HECW2: variants seen among roughly 807,000 people sequenced by gnomAD.
HECW2 encodes E3 ubiquitin-protein ligase HECW2.
HECW2 carries 61 observed loss-of-function variants against 175.2 expected under a neutral mutation model. The observed-to-expected ratio is 0.35, with a 90% CI of 0.28 to 0.43. The LOEUF (loss-of-function observed/expected upper bound fraction) is 0.43. Among genes scored for constraint, HECW2 ranks in the 20% least tolerant of loss-of-function variants. HECW2 has a pLI of 1.00. For missense variants in HECW2, 1,524 were observed against 2,000.5 expected, an observed-to-expected ratio of 0.76 and a Z score of 4.54; for synonymous variants, 671 against 731.0, an observed-to-expected ratio of 0.92 and a Z score of 1.32.
intron 1 of HECW2, among the ~76,000 whole-genome samples, chr2:196,505,453 T>A (rs1203510820): frequency 6.6e-6 from 1 of 151,874 alleles, no homozygotes; most frequent in African/African-American, 2.4e-5. Context: ...AGCAGGAGAA[T>A]CGCTTGAACC....
intron 5 of HECW2, among the ~76,000 whole-genome samples, chr2:196,326,630 G>C (rs1692163629): frequency 6.6e-6 from 1 of 151,974 alleles, no homozygotes; most frequent in Admixed American, 6.6e-5. Context: ...TTTTAGTAGA[G>C]ATGGGGTTTC....
intron 18 of HECW2, among the ~76,000 whole-genome samples, chr2:196,257,208 A>G (rs1376362221): frequency 6.6e-6 from 1 of 152,212 alleles, no homozygotes; most frequent in East Asian, 1.9e-4. Context: ...AAGTCTTTTG[A>G]AAACTTGCCA....
intron 2 of HECW2, among the ~76,000 whole-genome samples, chr2:196,429,034 A>C (rs1695628783): frequency 6.6e-6 from 1 of 152,212 alleles, no homozygotes; most frequent in African/African-American, 2.4e-5. Context: ...GCAACAGCTC[A>C]AGAAATCGTG....
chr2:196,209,531 G>A (rs1375985567), intron 28 of HECW2, among the ~76,000 whole-genome samples: 1 of 152,130 alleles, frequency 6.6e-6, no homozygotes, highest in East Asian at 1.9e-4. Flanking sequence ...GAGGGCAGAG[G>A]GGAAAGGAGT....
At chr2:196,416,506 T>C (rs560441628) in intron 2 of HECW2, among the ~76,000 whole-genome samples, 76 of 152,344 alleles carry the variant, frequency 5.0e-4, no homozygotes, top group African/African-American at 1.8e-3. Context: ...TCTAAGAAAC[T>C]GAATCATCAT....
At chr2:196,271,403 G>C (rs1481978618) in intron 16 of HECW2, 114 bp from the exon 17 acceptor site, 1 of 691,150 alleles carries the variant, frequency 1.4e-6, no homozygotes, top group East Asian at 2.8e-5. Context: ...CCTGCCTCAG[G>C]CTTGCAAGTA....
At chr2:196,205,041 T>G (rs139700405) in intron 28 of HECW2, among the ~76,000 whole-genome samples, 118 of 152,344 alleles carry the variant, frequency 7.7e-4, no homozygotes, top group Non-Finnish European at 1.3e-3. Flanking sequence ...TCTGCAGTCG[T>G]AAGACATAAT....
intron 1 of HECW2, among the ~76,000 whole-genome samples, chr2:196,522,475 C>T (rs867301050): frequency 1.7e-4 from 26 of 151,988 alleles, no homozygotes; most frequent in South Asian, 6.2e-4. Flanking sequence ...AGAAGCTCTT[C>T]AGTTTAATTA....
At chr2:196,401,417 T>G (rs1331542755) in intron 2 of HECW2, among the ~76,000 whole-genome samples, 2 of 152,246 alleles carry the variant, frequency 1.3e-5, no homozygotes, top group Non-Finnish European at 1.5e-5. Flanking sequence ...TGTTTCTCTG[T>G]GTGTATTATT....
intron 28 of HECW2, among the ~76,000 whole-genome samples, chr2:196,210,788 ATT>A (rs34890135): frequency 7.0e-6 from 1 of 142,858 alleles, no homozygotes; most frequent in Non-Finnish European, 1.5e-5. Context: ...TAATTTTTGT[ATT>A]TTTTTTTTTT....
At chr2:196,408,615 C>T (rs6736409) in intron 2 of HECW2, among the ~76,000 whole-genome samples, 139,419 of 152,130 alleles carry the variant, frequency 0.92, 64,406 homozygotes, top group East Asian at 1. Flanking sequence ...AATTCTACAC[C>T]CCTCCATTGA....
intron 2 of HECW2, among the ~76,000 whole-genome samples, chr2:196,397,252 C>T (rs951665708): frequency 6.6e-6 from 1 of 152,246 alleles, no homozygotes; most frequent in African/African-American, 2.4e-5. Context: ...TGTGTCCCTG[C>T]TTTCTGTCCC....
At position 196,362,603 on chromosome 2, in the gene HECW2, G is replaced by T. The variant is rs564111592; in HGVS notation, c.293-18839C>A. 8.5e-5 allele frequency among the ~76,000 whole-genome samples: 13 copies of T among 152,272 alleles called. No homozygotes were observed. The East Asian group carries it at 1.7e-3, about 20-fold the overall frequency. ...TTTCAAACTGTGAAAAAGGACTAAA[G>T]CTTTTTCAAACGTAATATAGCTTTA... On this transcript the variant is annotated intron_variant, in intron 2 of 28. Transcript: ENST00000644978.
intron 1 of HECW2, among the ~76,000 whole-genome samples, chr2:196,535,097 G>A (rs1479157291): frequency 2.7e-5 from 4 of 149,876 alleles, no homozygotes; most frequent in South Asian, 2.1e-4. Flanking sequence ...TGCTAAAAAC[G>A]CTAGCCCCTA....
chr2:196,219,709 G>A (rs987679649), intron 26 of HECW2, among the ~76,000 whole-genome samples: 2 of 152,184 alleles, frequency 1.3e-5, no homozygotes, highest in Non-Finnish European at 2.9e-5. Flanking sequence ...GGAATAGGTG[G>A]AGTTTGACCA....
intron 2 of HECW2, among the ~76,000 whole-genome samples, chr2:196,423,317 T>C (rs1490744080): frequency 6.6e-6 from 1 of 152,058 alleles, no homozygotes; most frequent in Non-Finnish European, 1.5e-5. Context: ...ATGGAGAAAT[T>C]CAGGTTTAAA....
Position 196,483,683 on chromosome 2 carries a change from G to T in HECW2, c.-35-50225C>A, listed in dbSNP as rs138202914. Among the ~76,000 whole-genome samples the T allele has an allele frequency of 7.9e-5, 12 of 152,134 alleles. 1 individual carries two copies. In the East Asian group the frequency reaches 2.3e-3, roughly 29 times the overall value. ...AACTACCAATTTACAAGAAATACAGGGGACAAGGAAACATATTAACCAAAC... is the reference window on the plus strand; with the variant it reads ...AACTACCAATTTACAAGAAATACAGTGGACAAGGAAACATATTAACCAAAC... On this transcript the variant is annotated intron_variant, in intron 1 of 28. Transcript: ENST00000644978.
intron 14 of HECW2, among the ~76,000 whole-genome samples, chr2:196,279,435 G>A (rs929207002): frequency 6.6e-6 from 1 of 152,070 alleles, no homozygotes; most frequent in Non-Finnish European, 1.5e-5. Context: ...TCACTGTAGT[G>A]TCCTCTATTT....
intron 1 of HECW2, among the ~76,000 whole-genome samples, chr2:196,515,155 C>G (rs148058336): frequency 6.6e-6 from 1 of 152,238 alleles, no homozygotes; most frequent in Non-Finnish European, 1.5e-5. Flanking sequence ...GCCACAGCCT[C>G]GCACAGAGCC....
Sources: allele counts gnomAD v4.1 joint callset (sites outside exome capture counted in the v4.1 genomes callset), GRCh38; gene constraint gnomAD v4.1.1; transcripts MANE v1.5; gene names NCBI Gene and HGNC (gene_info 2026-07-23, HGNC 2026-07-21).